XPO7: variants seen among roughly 807,000 people sequenced by gnomAD.
The protein encoded by XPO7 is exportin-7.
A neutral mutation model predicts 144.3 loss-of-function variants in XPO7; 21 were observed. The ratio of observed to expected loss-of-function variants is 0.15; its 90% CI spans 0.10 to 0.21. The LOEUF is 0.21. XPO7 is among the 10% of genes least tolerant of loss of function. XPO7 has a pLI of 1.00. For missense variants in XPO7, 808 were observed against 1,325.8 expected, an observed-to-expected ratio of 0.61 and a Z score of 6.06; for synonymous variants, 580 against 499.6, an observed-to-expected ratio of 1.16 and a Z score of -2.15.
intron 1 of XPO7, among the ~76,000 whole-genome samples, chr8:21,942,004 TA>T (rs1811008409): frequency 6.6e-6 from 1 of 152,342 alleles, no homozygotes; most frequent in East Asian, 1.9e-4. Flanking sequence ...GTGATTCCTA[TA>T]AAAGTCGGTA....
chr8:21,999,027 G>A (rs928716124), intron 22 of XPO7, 64 bp from the exon 23 acceptor site: 1 of 1,587,810 alleles, frequency 6.3e-7, no homozygotes, highest in Non-Finnish European at 8.6e-7. Flanking sequence ...TTTGGAGTAG[G>A]AAGGCTGATC....
chr8:22,004,998 C>T lies in XPO7; in HGVS notation c.3174C>T (p.Phe1058=), dbSNP rs1194458619. 6.2e-7 allele frequency: 1 copy of T among 1,601,878 alleles called. No individual in the cohort carries two copies. Among genetic ancestry groups the T allele is most frequent in the South Asian group, 1.1e-5 (1 of 90,192 alleles). The change falls in exon 28 of 28, where the codon TTC becomes TTT. Residue 1058 remains phenylalanine, a synonymous_variant. Coordinates refer to ENST00000252512, the MANE Select transcript of XPO7 (RefSeq NM_015024.5). The stretch of plus-strand genomic sequence containing the variant: ...CCCACATGCATCCTCTCTGCAGGTT[C>T]ACCCAGAACCTGTCAGCATTCCGTC... ...RNLLTKNRDR[F]TQNLSAFRRE...
rs752988384 is a variant in XPO7 at position 21,999,116 on chromosome 8, G to A, written c.2454G>A (p.Glu818=). The change falls in exon 23 of 28, where the codon GAG becomes GAA. Residue 818 remains glutamate, a synonymous_variant. Coordinates refer to ENST00000252512, the MANE Select transcript of XPO7 (RefSeq NM_015024.5). ...MYGNRILTLG[E]VPKDQVYALK... ...GCAATCGCATCCTGACACTAGGAGA[G>A]GTCCCAAAGGATCAGGTCTATGCTC... is the stretch of plus-strand genomic sequence containing the variant. 1 of 1,613,944 alleles carries A rather than the reference G, an allele frequency of 6.2e-7. No homozygotes were observed. Among genetic ancestry groups the A allele is most frequent in the Non-Finnish European group, 8.5e-7 (1 of 1,179,886 alleles).
chr8:21,991,684 T>C, intron 18 of XPO7, 184 bp from the exon 19 acceptor site: 1 of 461,656 alleles, frequency 2.2e-6, no homozygotes, highest in African/African-American at 2.0e-5. Flanking sequence ...TGTCATCTTC[T>C]AGTTTAAAAA....
intron 25 of XPO7, 74 bp from the exon 26 acceptor site, chr8:22,003,145 A>G (rs1293888782): frequency 2.5e-6 from 3 of 1,192,364 alleles, no homozygotes; most frequent in African/African-American, 3.0e-5. Context: ...ATACTCCTGT[A>G]TTTGGAATCT....
At chr8:21,956,788 T>G (rs1811550145) in intron 1 of XPO7, among the ~76,000 whole-genome samples, 1 of 152,112 alleles carries the variant, frequency 6.6e-6, no homozygotes, top group African/African-American at 2.4e-5. Flanking sequence ...AATTTTGGGC[T>G]TAATTGTATG....
rs779853838 is a variant in XPO7 at position 21,991,983 on chromosome 8, G to T, written c.2148+9G>T. 6 of 1,605,190 alleles carry T rather than the reference G, an allele frequency of 3.7e-6. No homozygotes were observed. Among genetic ancestry groups the T allele is most frequent in the Middle Eastern group, 3.3e-4 (2 of 6,052 alleles). On this transcript the variant is annotated intron_variant, in intron 19 of 27. Transcript: ENST00000252512. ...ACGAGCAGGAGGCAAAGGTGAGTGAGTCTTTCACCCAGTAATTAATCAGCT... is the reference window on the plus strand; with the variant it reads ...ACGAGCAGGAGGCAAAGGTGAGTGATTCTTTCACCCAGTAATTAATCAGCT...
chr8:21,948,366 G>A lies in XPO7; in HGVS notation c.19-18491G>A, dbSNP rs562586188. Among the ~76,000 whole-genome samples, 142 of 152,260 alleles carry A rather than the reference G, an allele frequency of 9.3e-4. 2 individuals are homozygous for A. The highest frequency in any genetic ancestry group is 5.0e-4 in the Non-Finnish European group (34 of 68,016). On this transcript the variant is annotated intron_variant, in intron 1 of 27. Transcript: ENST00000252512. ...GACCATTGTGTTACGGTTGCCTAAG[G>A]TATTCAGTACAGTAACGTGGTACAG...
At chr8:21,971,833 G>A (rs1391112512) in intron 4 of XPO7, 43 bp from the exon 5 acceptor site, 1 of 1,557,980 alleles carries the variant, frequency 6.4e-7, no homozygotes. Context: ...CCAAAACCAA[G>A]CACACATGAC....
At chr8:21,982,926 T>A in intron 11 of XPO7, 114 bp downstream of exon 11, 1 of 1,283,372 alleles carries the variant, frequency 7.8e-7, no homozygotes, top group Non-Finnish European at 1.1e-6. Flanking sequence ...TTGGAGCCAC[T>A]ACTGTTCATG....
At chr8:21,977,916 C>A in intron 8 of XPO7, 73 bp downstream of exon 8, 2 of 1,317,452 alleles carry the variant, frequency 1.5e-6, no homozygotes, top group South Asian at 1.4e-5. Context: ...ACCTTATATT[C>A]GTTTTGTTTT....
chr8:21,974,849 C>G (rs946040288), intron 6 of XPO7, 75 bp downstream of exon 6: 36 of 1,168,134 alleles, frequency 3.1e-5, no homozygotes, highest in Non-Finnish European at 4.1e-5. Context: ...TGTTAAATGT[C>G]AGCTTTTAAC....
At position 21,991,968 on chromosome 8, in the gene XPO7, G is replaced by A; in HGVS notation, c.2142G>A (p.Glu714=). The part of the protein sequence containing the change: ...MFSTNSFNEQ[E]AKRTLVGLVR... ...GCACCAATAGTTTCAACGAGCAGGA[G>A]GCAAAGGTGAGTGAGTCTTTCACCC... Residue 714 remains glutamate (E), a synonymous_variant, in exon 19 of 28, where the codon GAG becomes GAA. Coordinates refer to ENST00000252512, the MANE Select transcript of XPO7 (RefSeq NM_015024.5). The A allele has an allele frequency of 6.2e-7, 1 of 1,612,776 alleles. No homozygotes were observed. Among genetic ancestry groups the A allele is most frequent in the Non-Finnish European group, 8.5e-7 (1 of 1,179,466 alleles).
chr8:21,992,178 A>AT (rs371848922), intron 19 of XPO7, among the ~76,000 whole-genome samples: 16 of 151,266 alleles, frequency 1.1e-4, no homozygotes, highest in South Asian at 4.2e-4. Flanking sequence ...AGTTCTTAGG[A>AT]TTTTTTTTTG....
Position 21,982,810 on chromosome 8 carries a change from G to C in XPO7, c.1275G>C (p.Leu425=). 1 of 1,598,572 alleles carries C rather than the reference G, an allele frequency of 6.3e-7. No individual in the cohort carries two copies. The highest frequency in any genetic ancestry group is 8.5e-7 in the Non-Finnish European group (1 of 1,175,036). The change falls in exon 11 of 28, where the codon CTG becomes CTC. Residue 425 remains leucine, a splice_region_variant and synonymous_variant. Coordinates refer to ENST00000252512, the MANE Select transcript of XPO7 (RefSeq NM_015024.5). ...GGTTGGAATCTGTGCACATCATACT[G>C]AGGTAAGGAAACTTAGCCTCATTCA... The part of the protein sequence containing the change: ...TSRLESVHII[L]RDGLEDPLED...
At chr8:21,964,613 C>CAA (rs56993629) in intron 1 of XPO7, among the ~76,000 whole-genome samples, 3 of 141,972 alleles carry the variant, frequency 2.1e-5, no homozygotes, top group South Asian at 4.4e-4. Context: ...CTTCTGGGAA[C>CAA]AAAAAAAAAA....
chr8:21,920,170 G>A (rs1810226345), intron 1 of XPO7, among the ~76,000 whole-genome samples: 1 of 149,062 alleles, frequency 6.7e-6, no homozygotes, highest in Non-Finnish European at 1.5e-5. Context: ...ACTTTACTGA[G>A]GGGGACGCCC....
intron 1 of XPO7, among the ~76,000 whole-genome samples, chr8:21,920,350 A>T (rs1366260801): frequency 1.3e-5 from 2 of 148,940 alleles, no homozygotes; most frequent in African/African-American, 5.0e-5. Context: ...TCCCTCCGAC[A>T]CTCCAAATCG....
At chr8:21,919,907 C>T (rs919933677) in intron 1 of XPO7, 119 bp downstream of exon 1, 25 of 234,036 alleles carry the variant, frequency 1.1e-4, no homozygotes, top group African/African-American at 5.1e-4. Flanking sequence ...GCCGCCGCCA[C>T]TCGGGGCTCT....
Sources: allele counts gnomAD v4.1 joint callset (sites outside exome capture counted in the v4.1 genomes callset), GRCh38; gene constraint gnomAD v4.1.1; transcripts MANE v1.5; gene names NCBI Gene and HGNC (gene_info 2026-07-23, HGNC 2026-07-21).